Variants in SLC25A21 observed in about 807,000 individuals in gnomAD.
SLC25A21 encodes the protein mitochondrial 2-oxodicarboxylate carrier.
A neutral mutation model predicts 43.8 loss-of-function variants in SLC25A21; 47 were observed. The ratio of observed to expected loss-of-function variants is 1.07; its 90% CI spans 0.85 to 1.37. The LOEUF is 1.37. Ranked by LOEUF, SLC25A21 falls within the 40% of genes most tolerant of loss-of-function variation. SLC25A21 has a pLI of 0.00. For synonymous variants in SLC25A21, 131 were observed against 121.3 expected, an observed-to-expected ratio of 1.08 and a Z score of -0.52; for missense variants, 352 against 350.2, an observed-to-expected ratio of 1.00 and a Z score of -0.04.
intron 1 of SLC25A21, among the ~76,000 whole-genome samples, chr14:37,096,828 G>C (rs1156637666): frequency 2.0e-5 from 3 of 152,020 alleles, no homozygotes; most frequent in Non-Finnish European, 4.4e-5. Context: ...TTACCCGTCT[G>C]AGAGGTCTCA....
intron 2 of SLC25A21, among the ~76,000 whole-genome samples, chr14:36,855,765 T>C (rs1254680992): frequency 6.6e-6 from 1 of 152,202 alleles, no homozygotes; most frequent in African/African-American, 2.4e-5. Flanking sequence ...GGTTATGATA[T>C]CATATTCTGA....
chr14:36,763,407 T>A (rs1224914931), intron 3 of SLC25A21, among the ~76,000 whole-genome samples: 1 of 152,228 alleles, frequency 6.6e-6, no homozygotes, highest in African/African-American at 2.4e-5. Context: ...TCCCTGTCCT[T>A]GTGGGGTTTC....
At chr14:36,897,506 T>C (rs1482585981) in intron 1 of SLC25A21, among the ~76,000 whole-genome samples, 2 of 152,172 alleles carry the variant, frequency 1.3e-5, no homozygotes, top group East Asian at 3.9e-4. Flanking sequence ...TCAGAGTAGT[T>C]TGATCGTCTG....
chr14:36,900,780 G>C (rs1891376162), intron 1 of SLC25A21, among the ~76,000 whole-genome samples: 1 of 152,200 alleles, frequency 6.6e-6, no homozygotes, highest in Admixed American at 6.5e-5. Flanking sequence ...CAGGGAAGGT[G>C]TGCAGAAATA....
At chr14:36,975,456 C>G (rs891443650) in intron 1 of SLC25A21, among the ~76,000 whole-genome samples, 3 of 152,084 alleles carry the variant, frequency 2.0e-5, no homozygotes, top group Non-Finnish European at 4.4e-5. Flanking sequence ...TTTCTTCTAA[C>G]AGGCTACTAC....
chr14:36,691,662 T>A (rs1358969215), intron 7 of SLC25A21, among the ~76,000 whole-genome samples: 3 of 152,160 alleles, frequency 2.0e-5, no homozygotes, highest in Non-Finnish European at 4.4e-5. Flanking sequence ...GAGACCAGCC[T>A]TGGCAATATA....
chr14:36,873,029 T>G (rs1480683651), intron 2 of SLC25A21, among the ~76,000 whole-genome samples: 1 of 152,230 alleles, frequency 6.6e-6, no homozygotes, highest in Admixed American at 6.5e-5. Flanking sequence ...TATTGTGTCT[T>G]GATTAAATCA....
intron 1 of SLC25A21, among the ~76,000 whole-genome samples, chr14:36,932,107 A>G: frequency 6.6e-6 from 1 of 152,186 alleles, no homozygotes; most frequent in Non-Finnish European, 1.5e-5. Flanking sequence ...ATACATAAGA[A>G]GAAAATATAT....
chr14:36,740,591 A>G (rs553156447), intron 3 of SLC25A21, among the ~76,000 whole-genome samples: 1 of 152,198 alleles, frequency 6.6e-6, no homozygotes, highest in East Asian at 1.9e-4. Context: ...ATTTCTGCCA[A>G]ACCCTACAAA....
intron 1 of SLC25A21, among the ~76,000 whole-genome samples, chr14:36,935,064 A>G (rs974821252): frequency 6.6e-6 from 1 of 152,064 alleles, no homozygotes; most frequent in African/African-American, 2.4e-5. Context: ...AAGATAACTC[A>G]AAATATCCTA....
intron 1 of SLC25A21, among the ~76,000 whole-genome samples, chr14:37,108,781 T>G (rs1431223923): frequency 6.6e-6 from 1 of 151,680 alleles, no homozygotes; most frequent in Non-Finnish European, 1.5e-5. Context: ...TGTTTTGGCT[T>G]TTCAGTCTGG....
chr14:37,163,470 T>C (rs1223390387), intron 1 of SLC25A21, among the ~76,000 whole-genome samples: 2 of 151,986 alleles, frequency 1.3e-5, no homozygotes, highest in Admixed American at 6.6e-5. Flanking sequence ...CATCAAAGTG[T>C]CAAAATAATT....
intron 6 of SLC25A21, 127 bp from the exon 7 acceptor site, chr14:36,711,609 T>C (rs772672853): frequency 1.9e-5 from 19 of 986,126 alleles, no homozygotes; most frequent in Admixed American, 3.4e-5. Context: ...TGAATAATCA[T>C]GCCTAGAACT....
rs545240653 is a variant in SLC25A21, at chr14:37,128,487, AC to A, written c.70+43793del. 8.8e-5 allele frequency among the ~76,000 whole-genome samples: 13 copies of A among 147,866 alleles called. 1 individual carries two copies. The East Asian group carries it at 2.6e-3, about 29-fold the overall frequency. On this transcript the variant is annotated intron_variant, in intron 1 of 9. Transcript: ENST00000331299. ...TCTAAAGTAAATACAAGTCAATATG[AC>A]CCATTATTCTGCATGTTAAGCATTA...
rs572417273 is a variant in SLC25A21, at chr14:36,745,793, T to C, written c.204-11220A>G. Among the ~76,000 whole-genome samples the C allele has an allele frequency of 2.6e-5, 4 of 152,254 alleles. No homozygotes were observed. The South Asian group carries it at 8.3e-4, about 32-fold the overall frequency. On this transcript the variant is annotated intron_variant, in intron 3 of 9. Transcript: ENST00000331299. ...CAAAAATTGTCTCCCATTCTGTAAG[T>C]TGCACGAATAGGCATTTTTCAAAAG...
chr14:37,021,530 C>T (rs1960984943), intron 1 of SLC25A21, among the ~76,000 whole-genome samples: 1 of 151,950 alleles, frequency 6.6e-6, no homozygotes, highest in Non-Finnish European at 1.5e-5. Context: ...TAATTTACAA[C>T]TCTGCTATGT....
Position 37,073,059 on chromosome 14 carries a change from G to A in SLC25A21, c.70+99222C>T, listed in dbSNP as rs1000634486. ...CTATTCTGGCATATTGACTATTTAAGTTAAGAACACTTGAAAAAACAGCTA... is the reference window on the plus strand; with the variant it reads ...CTATTCTGGCATATTGACTATTTAAATTAAGAACACTTGAAAAAACAGCTA... On this transcript the variant is annotated intron_variant, in intron 1 of 9. Transcript: ENST00000331299. Among the ~76,000 whole-genome samples, 5 of 152,186 alleles carry A rather than the reference G, an allele frequency of 3.3e-5. No homozygotes were observed. In the East Asian group the frequency reaches 7.7e-4, roughly 23 times the overall value.
intron 6 of SLC25A21, among the ~76,000 whole-genome samples, chr14:36,718,441 GC>G (rs1164842811): frequency 6.6e-6 from 1 of 152,172 alleles, no homozygotes; most frequent in African/African-American, 2.4e-5. Context: ...ATGTTGACAT[GC>G]CCTTGAAGCT....
chr14:36,957,755 A>T (rs944775229), intron 1 of SLC25A21, among the ~76,000 whole-genome samples: 1 of 152,174 alleles, frequency 6.6e-6, no homozygotes, highest in Admixed American at 6.5e-5. Context: ...ATGCTACATG[A>T]TTTCCCTTTC....
Sources: gnomAD v4.1 joint callset for allele counts (sites outside exome capture counted in the v4.1 genomes callset) on GRCh38, gnomAD v4.1.1 for gene constraint, MANE v1.5 for transcripts, NCBI Gene and HGNC (gene_info 2026-07-23, HGNC 2026-07-21) for gene names.